SGIP1: variants seen among roughly 807,000 people sequenced by gnomAD.
SGIP1 encodes the protein SH3-containing GRB2-like protein 3-interacting protein 1.
In SGIP1, 38 loss-of-function variants were observed where a neutral mutation model predicts 107.5. The ratio of observed to expected loss-of-function variants is 0.35; its 90% CI spans 0.27 to 0.46. SGIP1 has a LOEUF of 0.46. Among genes scored for constraint, SGIP1 ranks in the 20% least tolerant of loss-of-function variants. SGIP1 has a pLI of 1.00. For synonymous variants in SGIP1, 365 were observed against 366.1 expected (o/e 1.00, Z 0.03); for missense variants, 929 against 1,019.5 (o/e 0.91, Z 1.21).
chr1:66,610,778 T>G (rs1360769618), intron 1 of SGIP1, among the ~76,000 whole-genome samples: 1 of 152,090 alleles, frequency 6.6e-6, no homozygotes, highest in African/African-American at 2.4e-5. Flanking sequence ...ACATTCATAT[T>G]CAATTTCTCA....
At chr1:66,668,284 G>A (rs931938500) in intron 9 of SGIP1, among the ~76,000 whole-genome samples, 3 of 152,074 alleles carry the variant, frequency 2.0e-5, no homozygotes, top group African/African-American at 4.8e-5. Context: ...TCCGCCTCTC[G>A]AGTTCAAGCA....
In SGIP1 at chr1:66,673,307, C is replaced by A. The variant is rs749631760; in HGVS notation, c.587C>A (p.Ala196Asp). ...ISKKPPDDTT[A>D]LAPLFGPPLE... ...AAAAAGCCTCCAGATGACACTACGG[C>A]CCTTGCTCCTCTCTTTGGCCCACCA... The change falls in exon 12 of 25, where the codon GCC becomes GAC. Residue 196 changes from alanine (A) to aspartate (D), a missense_variant. Physicochemically the swap from Ala to Asp is moderately radical, Grantham distance 126 (BLOSUM62 -2). This residue lies in a region of SGIP1 where 588 missense variants were observed against 588.6 expected (regional missense o/e 1.00). Coordinates refer to ENST00000371037, the MANE Select transcript of SGIP1 (RefSeq NM_032291.4). 1.2e-6 allele frequency: 2 copies of A among 1,613,956 alleles called. No homozygotes were observed. The highest frequency in any genetic ancestry group is 1.7e-6 in the Non-Finnish European group (2 of 1,179,974).
chr1:66,591,878 C>T (rs1004767048), intron 1 of SGIP1, among the ~76,000 whole-genome samples: 3 of 152,158 alleles, frequency 2.0e-5, no homozygotes, highest in Non-Finnish European at 4.4e-5. Context: ...AGTGCTGTGC[C>T]TCCATGGGCA....
chr1:66,725,259 C>A (rs2150517717), intron 19 of SGIP1, among the ~76,000 whole-genome samples: 1 of 152,312 alleles, frequency 6.6e-6, no homozygotes, highest in African/African-American at 2.4e-5. Flanking sequence ...GCCCCAAACC[C>A]AGCCTTATAC....
At chr1:66,639,299 CA>C (rs1248166215) in intron 4 of SGIP1, among the ~76,000 whole-genome samples, 1 of 152,040 alleles carries the variant, frequency 6.6e-6, no homozygotes, top group Non-Finnish European at 1.5e-5. Flanking sequence ...GGGGTAGTTA[CA>C]AAAAAATTGA....
chr1:66,648,196 T>C (rs192023569), intron 7 of SGIP1, among the ~76,000 whole-genome samples: 6 of 152,170 alleles, frequency 3.9e-5, no homozygotes, highest in African/African-American at 1.4e-4. Context: ...TGCCCTTGGG[T>C]TAGGTAGCTC....
intron 7 of SGIP1, among the ~76,000 whole-genome samples, chr1:66,652,133 G>A (rs1010308057): frequency 3.9e-5 from 6 of 152,148 alleles, no homozygotes; most frequent in Admixed American, 2.6e-4. Context: ...GGTCATAGGC[G>A]AGTTCCTCAA....
chr1:66,653,132 CAT>C (rs1202213963), intron 7 of SGIP1, among the ~76,000 whole-genome samples: 1 of 152,294 alleles, frequency 6.6e-6, no homozygotes, highest in African/African-American at 2.4e-5. Context: ...AGAGTTAACA[CAT>C]GAGACGCAAC....
At chr1:66,629,163 T>C (rs530131002) in intron 2 of SGIP1, among the ~76,000 whole-genome samples, 2 of 152,332 alleles carry the variant, frequency 1.3e-5, no homozygotes, top group East Asian at 3.9e-4. Context: ...CTGCTACAAC[T>C]CACTGTGGGT....
chr1:66,635,577 A>G (rs2075622100), intron 3 of SGIP1, among the ~76,000 whole-genome samples: 1 of 152,262 alleles, frequency 6.6e-6, no homozygotes, highest in South Asian at 2.1e-4. Context: ...TACTTAGGTT[A>G]GAAATACAAA....
At chr1:66,579,288 C>T (rs775405785) in intron 1 of SGIP1, among the ~76,000 whole-genome samples, 34 of 152,104 alleles carry the variant, frequency 2.2e-4, no homozygotes, top group Middle Eastern at 6.3e-3. Flanking sequence ...TCTCACTGTC[C>T]CAGACCTTCA....
At chr1:66,672,555 C>T (rs2084078245) in intron 11 of SGIP1, among the ~76,000 whole-genome samples, 1 of 152,196 alleles carries the variant, frequency 6.6e-6, no homozygotes, top group South Asian at 2.1e-4. Flanking sequence ...CCTCTCCCCT[C>T]TCCTCTTCAC....
chr1:66,601,689 A>G (rs1317676393), intron 1 of SGIP1, among the ~76,000 whole-genome samples: 1 of 152,200 alleles, frequency 6.6e-6, no homozygotes, highest in Non-Finnish European at 1.5e-5. Context: ...ACAGATACAC[A>G]TATAAAAATC....
chr1:66,643,779 C>A, intron 7 of SGIP1, 60 bp downstream of exon 7: 1 of 1,447,228 alleles, frequency 6.9e-7, no homozygotes, highest in South Asian at 1.5e-5. Flanking sequence ...TATGTTCTGC[C>A]TATATGCATT....
chr1:66,549,148 TTCCTTCCTTCC>T (rs2056982577), intron 1 of SGIP1, among the ~76,000 whole-genome samples: 2 of 93,922 alleles, frequency 2.1e-5, no homozygotes, highest in Admixed American at 2.3e-4. Context: ...CCTTCCTTCC[TTCCTTCCTTCC>T]TTCCTTCCTT....
intron 12 of SGIP1, among the ~76,000 whole-genome samples, chr1:66,675,588 G>T: frequency 8.1e-6 from 1 of 124,138 alleles, no homozygotes. Context: ...CACCCAGGCT[G>T]GAATACAGTG....
At chr1:66,653,284 C>T (rs1009709118) in intron 7 of SGIP1, among the ~76,000 whole-genome samples, 2 of 152,066 alleles carry the variant, frequency 1.3e-5, no homozygotes, top group African/African-American at 4.8e-5. Flanking sequence ...CTGATACATG[C>T]TTTTTCTTTC....
At chr1:66,632,554 G>C (rs1288134175) in intron 2 of SGIP1, among the ~76,000 whole-genome samples, 1 of 152,180 alleles carries the variant, frequency 6.6e-6, no homozygotes, top group Non-Finnish European at 1.5e-5. Flanking sequence ...GCAGAGGTTC[G>C]CTGGAGCCCA....
intron 7 of SGIP1, among the ~76,000 whole-genome samples, chr1:66,655,143 A>G (rs1211916028): frequency 1.3e-5 from 2 of 152,044 alleles, no homozygotes; most frequent in African/African-American, 2.4e-5. Flanking sequence ...AGTAACAGCA[A>G]TAAGCCGCAT....
Sources: gnomAD v4.1 joint callset for allele counts (sites outside exome capture counted in the v4.1 genomes callset) on GRCh38, gnomAD v4.1.1 for gene constraint, gnomAD v4.1.1 regional missense constraint, MANE v1.5 for transcripts, NCBI Gene and HGNC (gene_info 2026-07-23, HGNC 2026-07-21) for gene names.